RAB37: variants seen among roughly 807,000 people sequenced by gnomAD.
RAB37 encodes RAB37, member RAS oncogene family, also known as ras-related protein Rab-37.
A neutral mutation model predicts 33.1 loss-of-function variants in RAB37; 29 were observed. The ratio of observed to expected loss-of-function variants is 0.88; its 90% CI spans 0.65 to 1.20. The LOEUF is 1.20. RAB37 is among the 50% of genes most tolerant of loss of function. The pLI is 0.00. For missense variants in RAB37, 299 were observed against 301.1 expected (o/e 0.99, Z 0.05); for synonymous variants, 128 against 119.5 (o/e 1.07, Z -0.47).
chr17:74,701,431 G>A (rs573412119), intron 1 of RAB37, among the ~76,000 whole-genome samples: 7 of 152,074 alleles, frequency 4.6e-5, no homozygotes, highest in African/African-American at 1.7e-4. Flanking sequence ...GGCCCTAATC[G>A]GGCACTTACA....
chr17:74,681,975 G>C (rs982821075), intron 1 of RAB37, among the ~76,000 whole-genome samples: 3 of 152,204 alleles, frequency 2.0e-5, no homozygotes, highest in African/African-American at 7.2e-5. Context: ...AAGAGAACTG[G>C]GCTTTGAGTA....
At chr17:74,722,732 A>C (rs2034257673) in intron 1 of RAB37, among the ~76,000 whole-genome samples, 1 of 152,194 alleles carries the variant, frequency 6.6e-6, no homozygotes, top group African/African-American at 2.4e-5. Context: ...GGATATTACC[A>C]TATGTCATAT....
upstream of RAB37, chr17:74,736,608 C>T: frequency 3.9e-6 from 6 of 1,533,004 alleles, no homozygotes; most frequent in Non-Finnish European, 3.5e-6. Flanking sequence ...AAAGCTCTCC[C>T]CTGGTGGGAC....
intron 1 of RAB37, among the ~76,000 whole-genome samples, chr17:74,701,941 G>A (rs2033089537): frequency 6.6e-6 from 1 of 151,536 alleles, no homozygotes; most frequent in Non-Finnish European, 1.5e-5. Flanking sequence ...AGAATTGCTT[G>A]AACATGAGAG....
At chr17:74,679,379 C>T (rs892734233) in intron 1 of RAB37, among the ~76,000 whole-genome samples, 5 of 152,098 alleles carry the variant, frequency 3.3e-5, no homozygotes, top group African/African-American at 7.2e-5. Flanking sequence ...CCTGGAGTCT[C>T]CCTCCTCGCC....
intron 1 of RAB37, among the ~76,000 whole-genome samples, chr17:74,728,707 G>A (rs2034341018): frequency 6.6e-6 from 1 of 151,714 alleles, no homozygotes; most frequent in South Asian, 2.1e-4. Flanking sequence ...GCATGTGTGT[G>A]CATGTGTGTT....
At chr17:74,695,462 A>G (rs2032353693) in intron 1 of RAB37, among the ~76,000 whole-genome samples, 1 of 152,010 alleles carries the variant, frequency 6.6e-6, no homozygotes, top group African/African-American at 2.4e-5. Flanking sequence ...AGTGCAGCAC[A>G]TTTCCTGTGG....
intron 1 of RAB37, chr17:74,704,447 G>C (rs746213788): frequency 6.7e-7 from 1 of 1,487,776 alleles, no homozygotes; most frequent in East Asian, 2.3e-5. Flanking sequence ...CAGGCCCTGA[G>C]AGACACACAC....
rs148320666 is a variant in RAB37 at position 74,697,429 on chromosome 17, C to T, written c.72+25771C>T. Among the ~76,000 whole-genome samples the T allele has an allele frequency of 4.7e-3, 713 of 152,230 alleles. 8 individuals carry two copies. Among genetic ancestry groups the T allele is most frequent in the African/African-American group, 0.015 (629 of 41,512 alleles). ...CACAGAAAGCACTTAGACCTTAGGC[C>T]GTGGGCAATACATTTGGGAGAAAAA... On this transcript the variant is annotated intron_variant, in intron 1 of 7. Coordinates refer to the RAB37 transcript ENST00000340415.
At chr17:74,690,039 C>G (rs1430907750) in intron 1 of RAB37, among the ~76,000 whole-genome samples, 1 of 152,176 alleles carries the variant, frequency 6.6e-6, no homozygotes, top group Non-Finnish European at 1.5e-5. Flanking sequence ...GCAGCCTCAA[C>G]TTCCTACGTT....
chr17:74,727,907 T>C (rs1012365416), intron 1 of RAB37, among the ~76,000 whole-genome samples: 5 of 152,124 alleles, frequency 3.3e-5, no homozygotes, highest in Non-Finnish European at 7.4e-5. Context: ...TCTGTGCATG[T>C]GTGCATGTTT....
chr17:74,736,564 C>T, upstream of RAB37: 2 of 1,495,298 alleles, frequency 1.3e-6, no homozygotes, highest in Non-Finnish European at 1.8e-6. Flanking sequence ...AGGAGCGGTC[C>T]ACTGGGAGAT....
chr17:74,682,668 G>A (rs1387949094), intron 1 of RAB37, among the ~76,000 whole-genome samples: 1 of 152,238 alleles, frequency 6.6e-6, no homozygotes, highest in African/African-American at 2.4e-5. Flanking sequence ...ACTTTGGGAG[G>A]TCAAGGCGGG....
At chr17:74,711,506 A>G (rs1358214086) in intron 1 of RAB37, among the ~76,000 whole-genome samples, 1 of 152,198 alleles carries the variant, frequency 6.6e-6, no homozygotes, top group Admixed American at 6.5e-5. Context: ...GTACCAGCCT[A>G]GCAGTCCTGG....
intron 2 of RAB37, among the ~76,000 whole-genome samples, chr17:74,741,587 GAAA>G (rs535783718): frequency 7.9e-6 from 1 of 127,190 alleles, no homozygotes. Context: ...CTGCGTCTCA[GAAA>G]AAAAAAAAAA....
chr17:74,709,365 G>A (rs753326941), intron 1 of RAB37, among the ~76,000 whole-genome samples: 3 of 152,150 alleles, frequency 2.0e-5, no homozygotes, highest in South Asian at 2.1e-4. Flanking sequence ...AAAACTCTTA[G>A]CAAACTAAGA....
rs1477907631 is a variant in RAB37 at position 74,686,659 on chromosome 17, G to A, written c.72+15001G>A. 3.3e-5 allele frequency among the ~76,000 whole-genome samples: 5 copies of A among 152,242 alleles called. No homozygotes were observed. In the East Asian group the frequency reaches 7.7e-4, roughly 23 times the overall value. On this transcript the variant is annotated intron_variant, in intron 1 of 7. Coordinates refer to the RAB37 transcript ENST00000340415. The stretch of plus-strand genomic sequence containing the variant: ...TCCACCCATCTAGCCCTCCCAAAGT[G>A]CTGGGATTACAGGCATGAGCCATAC...
upstream of RAB37, chr17:74,736,861 C>G: frequency 2.6e-6 from 4 of 1,521,704 alleles, no homozygotes; most frequent in Non-Finnish European, 3.5e-6. Context: ...GCCTCGCCAC[C>G]TGGGGACAGC....
chr17:74,708,743 T>A (rs111871159), intron 1 of RAB37, among the ~76,000 whole-genome samples: 1 of 150,744 alleles, frequency 6.6e-6, no homozygotes, highest in Non-Finnish European at 1.5e-5. Context: ...GGTGAAACCC[T>A]GTCTCTACTA....
Sources: gnomAD v4.1 joint callset for allele counts (sites outside exome capture counted in the v4.1 genomes callset) on GRCh38, gnomAD v4.1.1 for gene constraint, MANE v1.5 for transcripts, NCBI Gene and HGNC (gene_info 2026-07-23, HGNC 2026-07-21) for gene names.